The following SLC22A25 variants were observed in gnomAD, a reference collection of about 807,000 sequenced individuals.
SLC22A25 encodes MGI:2442751, MGI:2385316, MGI:3042283, MGI:3645714, MGI:3605624, MGI:2442750.
Under a neutral mutation model 45.9 loss-of-function variants are expected in SLC22A25, and 44 were observed. That is an observed-to-expected ratio of 0.96 (90% CI 0.75 to 1.23). SLC22A25 has a LOEUF of 1.23. SLC22A25 is among the 50% of genes most tolerant of loss of function. SLC22A25 has a pLI of 0.00. For synonymous variants in SLC22A25, 283 were observed against 238.6 expected (o/e 1.19, Z -1.72); for missense variants, 800 against 666.4 (o/e 1.20, Z -2.21).
chr11:63,173,220 G>C (rs1010762600), intron 9 of SLC22A25, among the ~76,000 whole-genome samples: 2 of 151,682 alleles, frequency 1.3e-5, no homozygotes, highest in Non-Finnish European at 2.9e-5. Flanking sequence ...GCCTGTTGGG[G>C]GTGGGGGGCA....
chr11:63,197,435 C>T (rs1180892273), intron 7 of SLC22A25, among the ~76,000 whole-genome samples: 1 of 152,144 alleles, frequency 6.6e-6, no homozygotes, highest in East Asian at 1.9e-4. Context: ...AGAACGGAGT[C>T]CCCAGATATA....
At chr11:63,202,945 A>G (rs750194378) in intron 7 of SLC22A25, among the ~76,000 whole-genome samples, 37 of 152,168 alleles carry the variant, frequency 2.4e-4, no homozygotes, top group Non-Finnish European at 4.0e-4. Flanking sequence ...CTGGGATGAA[A>G]CTTCCAGAGG....
chr11:63,194,171 A>G (rs1005412864), intron 7 of SLC22A25, among the ~76,000 whole-genome samples: 16 of 152,222 alleles, frequency 1.1e-4, no homozygotes, highest in African/African-American at 3.6e-4. Context: ...GTGTGAAAAG[A>G]CCAAATCTAT....
chr11:63,238,316 T>A lies in SLC22A25; in HGVS notation c.-576-304A>T, dbSNP rs894377932. On this transcript the variant is annotated intron_variant, in intron 2 of 11. Coordinates refer to ENST00000306494, the MANE Select transcript of SLC22A25 (RefSeq NM_199352.6). ...CATTTGTGAACCTTAAAAAATTTAA[T>A]GATTCGTGATTATCACTGCAGACCT... Among the ~76,000 whole-genome samples the A allele has an allele frequency of 2.6e-5, 4 of 152,344 alleles. No homozygotes were observed. The East Asian group carries it at 5.8e-4, about 22-fold the overall frequency.
chr11:63,237,262 T>C (rs779487228), intron 3 of SLC22A25, among the ~76,000 whole-genome samples: 1 of 152,144 alleles, frequency 6.6e-6, no homozygotes, highest in African/African-American at 2.4e-5. Flanking sequence ...ACTGCCTGGG[T>C]ATAATATACC....
chr11:63,222,910 G>T lies in SLC22A25; in HGVS notation c.507-5175C>A, dbSNP rs540648767. 5.3e-5 allele frequency among the ~76,000 whole-genome samples: 8 copies of T among 151,640 alleles called. 1 individual carries two copies. The South Asian group carries it at 1.7e-3, about 32-fold the overall frequency. ...TCTGGTTTCTGTCCTTCATTCTATT[G>T]ATATAATGTATCACATCAATTGATT... is the stretch of plus-strand genomic sequence containing the variant. On this transcript the variant is annotated intron_variant, in intron 5 of 11. Transcript: ENST00000306494.
intron 3 of SLC22A25, among the ~76,000 whole-genome samples, chr11:63,236,629 C>A (rs574831881): frequency 1.3e-5 from 2 of 152,232 alleles, no homozygotes; most frequent in African/African-American, 4.8e-5. Context: ...GGCTCATGCA[C>A]GGTGTGCTGC....
chr11:63,168,433 G>A (rs1172004050), intron 9 of SLC22A25, among the ~76,000 whole-genome samples: 7 of 152,102 alleles, frequency 4.6e-5, no homozygotes, highest in Non-Finnish European at 1.0e-4. Context: ...GAAGGTTGCA[G>A]GAACTGCTAA....
At chr11:63,209,089 C>T (rs2089488449) in intron 7 of SLC22A25, among the ~76,000 whole-genome samples, 1 of 152,122 alleles carries the variant, frequency 6.6e-6, no homozygotes, top group African/African-American at 2.4e-5. Flanking sequence ...TGTGGGGTGG[C>T]CCTCTGAAGG....
chr11:63,191,856 C>T (rs112528066), intron 7 of SLC22A25, among the ~76,000 whole-genome samples: 7,680 of 152,146 alleles, frequency 0.05, 299 homozygotes, highest in Non-Finnish European at 0.071. Context: ...GACTGATGTA[C>T]CTGAAAGGGA....
At position 63,166,272 on chromosome 11, in the gene SLC22A25, A is replaced by G. The variant is rs2087681028; in HGVS notation, c.1071-14T>C. 1.2e-6 allele frequency: 2 copies of G among 1,613,316 alleles called. No individual in the cohort carries two copies. The highest frequency in any genetic ancestry group is 1.3e-5 in the African/African-American group (1 of 74,932). ...GTACTTGCAAATCTGCAGGGAACACAGAAAAAGGCACATATTATAATCTGT... is the reference window on the plus strand; with the variant it reads ...GTACTTGCAAATCTGCAGGGAACACGGAAAAAGGCACATATTATAATCTGT... On this transcript the variant is annotated splice_polypyrimidine_tract_variant and intron_variant, in intron 9 of 11. Coordinates refer to ENST00000306494, the MANE Select transcript of SLC22A25 (RefSeq NM_199352.6).
rs548735807 is a variant in SLC22A25, at chr11:63,191,873, G to A, written c.831-8056C>T. ...CTGATGTACCTGAAAGGGATTGGAA[G>A]AATGGAACCAACTTGGAGATCACAT... is the stretch of plus-strand genomic sequence containing the variant. On this transcript the variant is annotated intron_variant, in intron 7 of 11. Transcript: ENST00000306494. Among the ~76,000 whole-genome samples, 124 of 152,332 alleles carry A rather than the reference G, an allele frequency of 8.1e-4. 1 individual carries two copies. The highest frequency in any genetic ancestry group is 1.2e-3 in the Admixed American group (18 of 15,298).
chr11:63,193,661 A>G (rs2134759768), intron 7 of SLC22A25, among the ~76,000 whole-genome samples: 1 of 152,384 alleles, frequency 6.6e-6, no homozygotes, highest in Admixed American at 6.5e-5. Context: ...TCTGTATGTC[A>G]CCATCATCAA....
chr11:63,208,484 G>A (rs1043807165), intron 7 of SLC22A25, among the ~76,000 whole-genome samples: 5 of 152,198 alleles, frequency 3.3e-5, no homozygotes, highest in African/African-American at 9.6e-5. Context: ...AACTGGGAGT[G>A]TGTGCGTGCA....
At chr11:63,228,736 A>G (rs1302232243) in intron 4 of SLC22A25, among the ~76,000 whole-genome samples, 172 bp from the exon 5 acceptor site, 3 of 152,200 alleles carry the variant, frequency 2.0e-5, no homozygotes, top group East Asian at 3.8e-4. Context: ...TTTCTCTTGG[A>G]AGCTATTCCT....
chr11:63,209,461 G>T (rs2089499016), intron 7 of SLC22A25, among the ~76,000 whole-genome samples: 1 of 152,142 alleles, frequency 6.6e-6, no homozygotes, highest in Non-Finnish European at 1.5e-5. Flanking sequence ...GGAGCATCTG[G>T]AGAGTCAGGC....
rs373414293 is a variant in SLC22A25 at position 63,177,864 on chromosome 11, A to ATATATATAATGTATATATATAATAT, written c.1070+2795_1070+2796insATATTATATATATACATTATATATA. On this transcript the variant is annotated intron_variant, in intron 9 of 11. Coordinates refer to ENST00000306494, the MANE Select transcript of SLC22A25 (RefSeq NM_199352.6). ...GTATATATATATAATGTATATATATAATATATATAATGTATATATATAATA... is the reference window on the plus strand; with the variant it reads ...GTATATATATATAATGTATATATATATATATATAATGTATATATATAATATATATATATAATGTATATATATAATA... Among the ~76,000 whole-genome samples the ATATATATAATGTATATATATAATAT allele has an allele frequency of 6.2e-3, 192 of 31,074 alleles. 5 individuals are homozygous for ATATATATAATGTATATATATAATAT. Among genetic ancestry groups the ATATATATAATGTATATATATAATAT allele is most frequent in the Non-Finnish European group, 8.4e-3 (115 of 13,644 alleles). 20.4% of individuals were successfully genotyped at this position (31,074 alleles called of 152,430 possible). A position where few individuals can be genotyped will look rare whatever the true frequency, so the allele number is the denominator to read the frequency against.
chr11:63,217,425 G>T lies in SLC22A25; in HGVS notation c.719C>A (p.Ala240Asp). 6.2e-7 allele frequency: 1 copy of T among 1,614,076 alleles called. No homozygotes were observed. The highest frequency in any genetic ancestry group is 1.3e-5 in the African/African-American group (1 of 75,064). The change falls in exon 7 of 12, where the codon GCT becomes GAT. Residue 240 changes from alanine to aspartate, a missense_variant. Ala to Asp is a moderately radical substitution (Grantham distance 126). Coordinates refer to ENST00000306494, the MANE Select transcript of SLC22A25 (RefSeq NM_199352.6). Reference sequence around the variant, plus strand: ...CAGGGTTATATGTCCAATACTAGCAGCACAAAGTGTCAATGTCAATGCCAT... The same window carrying T: ...CAGGGTTATATGTCCAATACTAGCATCACAAAGTGTCAATGTCAATGCCAT... ...CAMALTLTLCAASIGHITLGS... is the reference protein window; with the variant it reads ...CAMALTLTLCDASIGHITLGS...
intron 7 of SLC22A25, among the ~76,000 whole-genome samples, chr11:63,188,179 C>CT (rs1251719250): frequency 6.6e-6 from 1 of 152,026 alleles, no homozygotes; most frequent in Non-Finnish European, 1.5e-5. Flanking sequence ...TGGTCCTGGA[C>CT]TTTTTTTGGT....
Sources: gnomAD v4.1 joint callset for allele counts (sites outside exome capture counted in the v4.1 genomes callset) on GRCh38, gnomAD v4.1.1 for gene constraint, MANE v1.5 for transcripts, NCBI Gene and HGNC (gene_info 2026-07-23, HGNC 2026-07-21) for gene names.